SPATA13: variants seen among roughly 807,000 people sequenced by gnomAD.
SPATA13 encodes the protein spermatogenesis associated 13, also known as spermatogenesis-associated protein 13.
SPATA13 carries 50 observed loss-of-function variants against 104.0 expected under a neutral mutation model. That is an observed-to-expected ratio of 0.48 (90% CI 0.38 to 0.61). The LOEUF (loss-of-function observed/expected upper bound fraction) is 0.61, where lower values mean the gene tolerates loss of function less well. SPATA13 is among the 20% of genes least tolerant of loss of function. SPATA13 has a pLI of 0.00. For missense variants in SPATA13, 1,524 were observed against 1,690.6 expected, an observed-to-expected ratio of 0.90 and a Z score of 1.73; for synonymous variants, 606 against 667.5, an observed-to-expected ratio of 0.91 and a Z score of 1.42.
At position 24,290,865 on chromosome 13, in the gene SPATA13, T is replaced by C. The variant is rs747524682; in HGVS notation, c.3061T>C (p.Tyr1021His). 3 of 1,613,970 alleles carry C rather than the reference T, an allele frequency of 1.9e-6. No homozygotes were observed. Among genetic ancestry groups the C allele is most frequent in the Non-Finnish European group, 2.5e-6 (3 of 1,179,918 alleles). Residue 1021 changes from tyrosine (Y) to histidine (H), a missense_variant, in exon 9 of 13, where the codon TAT becomes CAT. Coordinates refer to ENST00000382108, the MANE Select transcript of SPATA13 (RefSeq NM_001166271.3). The stretch of plus-strand genomic sequence containing the variant: ...GCTGCAGCTGGCCGAGCTGCTCAAG[T>C]ATACCACACAGGAACACGGGTGAGG... ...YPLQLAELLK[Y>H]TTQEHGDYSN...
chr13:24,236,285 C>CA (rs1872561532), intron 2 of SPATA13, among the ~76,000 whole-genome samples: 6 of 152,010 alleles, frequency 3.9e-5, no homozygotes, highest in Admixed American at 3.9e-4. Context: ...TCAACAACAA[C>CA]AAAAAACACA....
In SPATA13 at chr13:24,223,624, C is replaced by G. The variant is rs1871739871; in HGVS notation, c.695C>G (p.Pro232Arg). The G allele has an allele frequency of 1.9e-6, 3 of 1,551,810 alleles. No homozygotes were observed. The highest frequency in any genetic ancestry group is 2.6e-6 in the Non-Finnish European group (3 of 1,147,074). ...ATPTIATGQV[P>R]AVCEILVRDP... ...CCCACGATAGCCACTGGCCAGGTGC[C>G]CGCCGTGTGTGAGATTCTCGTGAGG... The change falls in exon 2 of 13, where the codon CCC becomes CGC. Residue 232 changes from proline to arginine, a missense_variant. This residue lies in a region of SPATA13 where 1,089 missense variants were observed against 1,135.9 expected (regional missense o/e 0.96). Coordinates refer to ENST00000382108, the MANE Select transcript of SPATA13 (RefSeq NM_001166271.3).
At chr13:24,148,488 C>T (rs1593360652) in intron 3 of SPATA13, among the ~76,000 whole-genome samples, 1 of 152,166 alleles carries the variant, frequency 6.6e-6, no homozygotes. Context: ...ATGAAACCAT[C>T]TCAGTTTTCT....
Position 24,104,497 on chromosome 13 carries a change from A to AC in SPATA13, c.-112+86797dup, listed in dbSNP as rs375024749. ...AAGGGAAAGTATTTTGTATATACCC[A>AC]CATATGCAGGTATCTTCATCTTCGT... On this transcript the variant is annotated intron_variant, in intron 3 of 14. Coordinates refer to the SPATA13 transcript ENST00000424834. 2.1e-3 allele frequency among the ~76,000 whole-genome samples: 326 copies of AC among 152,318 alleles called. 1 individual carries two copies. The highest frequency in any genetic ancestry group is 7.2e-3 in the African/African-American group (300 of 41,560).
chr13:24,197,852 T>A (rs1281315990), intron 1 of SPATA13, among the ~76,000 whole-genome samples: 2 of 152,162 alleles, frequency 1.3e-5, no homozygotes, highest in Non-Finnish European at 2.9e-5. Context: ...TCCCTGGCTC[T>A]CTCAGTGGGC....
chr13:24,249,947 A>C, intron 3 of SPATA13, 105 bp downstream of exon 3: 1 of 1,453,338 alleles, frequency 6.9e-7, no homozygotes, highest in South Asian at 1.4e-5. Context: ...TCCCGTTCTC[A>C]AGGGCGGCAC....
In SPATA13 at chr13:24,223,406, C is replaced by A. The variant is rs1566158740; in HGVS notation, c.477C>A (p.Ser159Arg). Residue 159 changes from serine (S) to arginine (R), a missense_variant, in exon 2 of 13, where the codon AGC becomes AGA. Ser to Arg is a moderately radical substitution (Grantham distance 110, BLOSUM62 -1). Coordinates refer to ENST00000382108, the MANE Select transcript of SPATA13 (RefSeq NM_001166271.3). ...GCGCTGTCCCAGGAGCCCAGGCAAG[C>A]AGGGGCTCCCCCTTAGCACCGGGAC... ...PNGAVPGAQASRGSPLAPGPA... is the reference protein window; with the variant it reads ...PNGAVPGAQARRGSPLAPGPA... The A allele has an allele frequency of 2.6e-6, 4 of 1,551,164 alleles. No homozygotes were observed. The highest frequency in any genetic ancestry group is 3.5e-6 in the Non-Finnish European group (4 of 1,146,992).
intron 3 of SPATA13, among the ~76,000 whole-genome samples, chr13:24,063,850 T>C (rs921052244): frequency 6.6e-6 from 1 of 152,208 alleles, no homozygotes; most frequent in African/African-American, 2.4e-5. Context: ...CTCACAGGGA[T>C]GAGGGCACTC....
intron 2 of SPATA13, chr13:24,224,785 T>G (rs1312039129): frequency 1.5e-6 from 1 of 663,524 alleles, no homozygotes; most frequent in African/African-American, 1.8e-5. Context: ...TGAAATAAAT[T>G]GACAATGTAC....
chr13:24,171,254 A>G (rs1882954485), intron 1 of SPATA13, among the ~76,000 whole-genome samples: 1 of 152,102 alleles, frequency 6.6e-6, no homozygotes, highest in African/African-American at 2.4e-5. Context: ...AGTGCCCATC[A>G]CTGCCTCATG....
In SPATA13 at chr13:24,019,093, A is replaced by ATTTTTT. The variant is rs71915188; in HGVS notation, c.-112+1400_-112+1405dup. Reference sequence around the variant, plus strand: ...TATGATTCTTATTATTATTATTATTATTTTTTTTTTTTTGAGACGGAGTCT... The same window carrying ATTTTTT: ...TATGATTCTTATTATTATTATTATTATTTTTTTTTTTTTTTTTTTGAGACGGAGTCT... On this transcript the variant is annotated intron_variant, in intron 3 of 14. Transcript: ENST00000424834. 7.8e-5 allele frequency among the ~76,000 whole-genome samples: 11 copies of ATTTTTT among 141,116 alleles called. 1 individual carries two copies. The highest frequency in any genetic ancestry group is 2.2e-4 in the South Asian group (1 of 4,474). The allele number at this position is 141,116 out of a possible 152,430, so 92.6% of individuals were successfully genotyped here.
chr13:24,030,987 G>A (rs951533484), intron 3 of SPATA13, among the ~76,000 whole-genome samples: 1 of 152,160 alleles, frequency 6.6e-6, no homozygotes, highest in Non-Finnish European at 1.5e-5. Context: ...TTGAATAACC[G>A]TTCAATTCTA....
chr13:24,306,455 C>T lies in SPATA13; in HGVS notation c.*3682C>T, dbSNP rs190813466. The T allele has an allele frequency of 6.6e-6, 1 of 152,304 alleles. No individual in the cohort carries two copies. Among genetic ancestry groups the T allele is most frequent in the East Asian group, 1.9e-4 (1 of 5,186 alleles). 9.4% of individuals were successfully genotyped at this position (152,304 alleles called of 1,614,324 possible). On this transcript the variant is annotated 3_prime_UTR_variant, in exon 13 of 13. Transcript: ENST00000382108. Reference sequence around the variant, plus strand: ...AGAAGTATGAATAAATGTCCTTTCACCAGCTCACAGGCCAGAAATGGAGGA... The same window carrying T: ...AGAAGTATGAATAAATGTCCTTTCATCAGCTCACAGGCCAGAAATGGAGGA...
chr13:24,280,777 G>T (rs1566189653), intron 4 of SPATA13, among the ~76,000 whole-genome samples: 1 of 151,984 alleles, frequency 6.6e-6, no homozygotes, highest in Non-Finnish European at 1.5e-5. Flanking sequence ...ACTCATGCAT[G>T]AAAAAAATGA....
chr13:24,226,004 G>A (rs1871912689), intron 2 of SPATA13, among the ~76,000 whole-genome samples: 1 of 152,214 alleles, frequency 6.6e-6, no homozygotes, highest in Admixed American at 6.5e-5. Context: ...TCAGCCCATA[G>A]GAGACCTGGA....
rs1219750210 is a variant in SPATA13, at chr13:24,303,364, A to G, written c.*591A>G. ...CACACAGATGCTAACTGGTAGTGCA[A>G]ATGTCATCCTGCAAGGTTCCTCTTC... On this transcript the variant is annotated 3_prime_UTR_variant, in exon 13 of 13. Transcript: ENST00000382108. 3 of 232,874 alleles carry G rather than the reference A, an allele frequency of 1.3e-5. No homozygotes were observed. Among genetic ancestry groups the G allele is most frequent in the South Asian group, 4.1e-5 (1 of 24,446 alleles). The allele number at this position is 232,874 out of a possible 1,614,324, so 14.4% of individuals were successfully genotyped here. A position where few individuals can be genotyped will look rare whatever the true frequency, so the allele number is the denominator to read the frequency against.
intron 4 of SPATA13, among the ~76,000 whole-genome samples, chr13:24,258,145 G>C (rs980281213): frequency 2.6e-5 from 4 of 151,606 alleles, no homozygotes; most frequent in African/African-American, 7.3e-5. Flanking sequence ...TGAGGCAGGA[G>C]AATTGCTTGA....
In SPATA13 at chr13:24,294,847, G is replaced by A; in HGVS notation, c.3189G>A (p.Gln1063=). 1 of 1,610,002 alleles carries A rather than the reference G, an allele frequency of 6.2e-7. No homozygotes were observed. The highest frequency in any genetic ancestry group is 8.5e-7 in the Non-Finnish European group (1 of 1,176,462). The change falls in exon 10 of 13, where the codon CAG becomes CAA. Residue 1063 remains glutamine, a synonymous_variant. Transcript: ENST00000382108. ...LESIDKIARW[Q]VSIVGWEGLD... is the part of the protein sequence containing the mutation. Reference sequence around the variant, plus strand: ...GCATCGACAAGATAGCTCGCTGGCAGGTGTCTATCGTGGGCTGGGAGGTAA... The same window carrying A: ...GCATCGACAAGATAGCTCGCTGGCAAGTGTCTATCGTGGGCTGGGAGGTAA...
Position 24,223,013 on chromosome 13 carries a change from A to G in SPATA13, c.84A>G (p.Ala28=). The G allele has an allele frequency of 1.9e-6, 3 of 1,551,354 alleles. No individual in the cohort carries two copies. Among genetic ancestry groups the G allele is most frequent in the Non-Finnish European group, 2.6e-6 (3 of 1,146,722 alleles). The change falls in exon 2 of 13, where the codon GCA becomes GCG. Residue 28 remains alanine (A), a synonymous_variant. Transcript: ENST00000382108. ...CAAACGGCCTCGGGCCAGGCCCCGCAGCCCCCTGTGCAGGCTCGGACCTGA... is the reference window on the plus strand; with the variant it reads ...CAAACGGCCTCGGGCCAGGCCCCGCGGCCCCCTGTGCAGGCTCGGACCTGA... ...TAPNGLGPGP[A]APCAGSDLKD...
Sources: allele counts gnomAD v4.1 joint callset (sites outside exome capture counted in the v4.1 genomes callset), GRCh38; gene constraint gnomAD v4.1.1; regional missense constraint gnomAD v4.1.1; transcripts MANE v1.5; gene names NCBI Gene and HGNC (gene_info 2026-07-23, HGNC 2026-07-21).